The following ANKS1B variants were observed in gnomAD, a reference collection of about 807,000 sequenced individuals.
The protein encoded by ANKS1B is ankyrin repeat and sterile alpha motif domain-containing protein 1B.
ANKS1B carries 36 observed loss-of-function variants against 148.3 expected under a neutral mutation model. The observed-to-expected ratio is 0.24, with a 90% CI of 0.19 to 0.32. The LOEUF is 0.32. ANKS1B is among the 10% of genes least tolerant of loss of function. The pLI is 1.00. For missense variants in ANKS1B, 1,157 were observed against 1,542.6 expected, an observed-to-expected ratio of 0.75 and a Z score of 4.19; for synonymous variants, 542 against 560.8, an observed-to-expected ratio of 0.97 and a Z score of 0.47.
At chr12:99,303,670 G>A (rs1028233725) in intron 12 of ANKS1B, among the ~76,000 whole-genome samples, 1 of 152,026 alleles carries the variant, frequency 6.6e-6, no homozygotes, top group Non-Finnish European at 1.5e-5. Flanking sequence ...GGAACAGGTG[G>A]TGTTTGGTTA....
At chr12:99,096,355 C>T (rs926465176) in intron 15 of ANKS1B, among the ~76,000 whole-genome samples, 2 of 151,732 alleles carry the variant, frequency 1.3e-5, no homozygotes, top group Non-Finnish European at 2.9e-5. Context: ...AGACATTTTT[C>T]TTAAGATGTC....
chr12:99,479,821 C>A (rs2096381925), intron 10 of ANKS1B, among the ~76,000 whole-genome samples: 1 of 151,808 alleles, frequency 6.6e-6, no homozygotes, highest in African/African-American at 2.4e-5. Context: ...GGATCTATTG[C>A]ACAGTATGGT....
At chr12:99,284,069 A>G (rs1469355674) in intron 12 of ANKS1B, among the ~76,000 whole-genome samples, 1 of 152,204 alleles carries the variant, frequency 6.6e-6, no homozygotes, top group Non-Finnish European at 1.5e-5. Flanking sequence ...ATCATGAAGT[A>G]GGAATACTTT....
At chr12:99,106,572 C>CT (rs946321929) in intron 15 of ANKS1B, among the ~76,000 whole-genome samples, 1 of 152,100 alleles carries the variant, frequency 6.6e-6, no homozygotes, top group Non-Finnish European at 1.5e-5. Flanking sequence ...CTAAAGGTGT[C>CT]TTTTTTTAAA....
chr12:99,469,390 T>C (rs901183766), intron 10 of ANKS1B, among the ~76,000 whole-genome samples: 6 of 152,036 alleles, frequency 3.9e-5, no homozygotes, highest in South Asian at 2.1e-4. Flanking sequence ...TGTATACATA[T>C]GTAACTAATC....
At chr12:99,222,646 C>G (rs1436200134) in intron 14 of ANKS1B, among the ~76,000 whole-genome samples, 1 of 152,076 alleles carries the variant, frequency 6.6e-6, no homozygotes. Context: ...ACAAAACTCT[C>G]TTATATGACA....
At chr12:99,369,187 A>G (rs1244156157) in intron 12 of ANKS1B, among the ~76,000 whole-genome samples, 1 of 152,152 alleles carries the variant, frequency 6.6e-6, no homozygotes, top group Non-Finnish European at 1.5e-5. Context: ...ATGCTTCCTA[A>G]TGTGATGCAA....
intron 4 of ANKS1B, among the ~76,000 whole-genome samples, chr12:99,796,752 A>C (rs1371571251): frequency 3.3e-5 from 5 of 151,982 alleles, no homozygotes; most frequent in Non-Finnish European, 5.9e-5. Flanking sequence ...ATTTCTATTA[A>C]AAAAGCAATT....
At chr12:99,865,923 T>C (rs1302561294) in intron 1 of ANKS1B, among the ~76,000 whole-genome samples, 1 of 152,150 alleles carries the variant, frequency 6.6e-6, no homozygotes, top group Non-Finnish European at 1.5e-5. Flanking sequence ...GTCTTGGTGG[T>C]GCTACAAGTC....
chr12:99,514,631 C>A (rs1386000166), intron 9 of ANKS1B, among the ~76,000 whole-genome samples: 2 of 152,030 alleles, frequency 1.3e-5, no homozygotes, highest in African/African-American at 2.4e-5. Context: ...TGTTAGGGAT[C>A]CAACCTTGGT....
chr12:98,752,284 G>A (rs1428204434), intron 25 of ANKS1B, among the ~76,000 whole-genome samples: 4 of 150,266 alleles, frequency 2.7e-5, no homozygotes, highest in Non-Finnish European at 4.4e-5. Context: ...TTTAGATGGA[G>A]TCTCACTCTT....
At chr12:99,672,580 A>G (rs1308627407) in intron 8 of ANKS1B, among the ~76,000 whole-genome samples, 2 of 152,060 alleles carry the variant, frequency 1.3e-5, no homozygotes, top group Non-Finnish European at 2.9e-5. Context: ...AACTGAGAAC[A>G]ATTCTGAAAG....
chr12:98,886,915 A>G (rs2099741356), intron 17 of ANKS1B, among the ~76,000 whole-genome samples: 1 of 152,156 alleles, frequency 6.6e-6, no homozygotes, highest in Non-Finnish European at 1.5e-5. Flanking sequence ...AAAACAAAAA[A>G]CTCACAAATG....
At chr12:99,172,150 A>C (rs554061273) in intron 14 of ANKS1B, among the ~76,000 whole-genome samples, 1 of 152,276 alleles carries the variant, frequency 6.6e-6, no homozygotes, top group Admixed American at 6.5e-5. Context: ...GGTATGTTTG[A>C]GGAACTACAA....
intron 15 of ANKS1B, among the ~76,000 whole-genome samples, chr12:99,100,718 T>C (rs534566690): frequency 1.8e-4 from 27 of 152,258 alleles, no homozygotes; most frequent in Middle Eastern, 3.4e-3. Context: ...TTAGTAAAGA[T>C]TGGGTTTTGC....
At chr12:99,135,049 T>C (rs1396605263) in intron 15 of ANKS1B, among the ~76,000 whole-genome samples, 1 of 151,826 alleles carries the variant, frequency 6.6e-6, no homozygotes. Flanking sequence ...AATCTCAATA[T>C]AAAAATAACT....
At chr12:98,936,752 A>G (rs77052012) in intron 17 of ANKS1B, among the ~76,000 whole-genome samples, 11,136 of 152,210 alleles carry the variant, frequency 0.073, 425 homozygotes, top group African/African-American at 0.093. Context: ...TCTTAAGTCA[A>G]TTTAATCCCA....
intron 12 of ANKS1B, among the ~76,000 whole-genome samples, chr12:99,292,351 TA>T (rs1211798535): frequency 6.7e-6 from 1 of 149,556 alleles, no homozygotes; most frequent in Non-Finnish European, 1.5e-5. Context: ...AAAATAAAAA[TA>T]AAAATAAAAA....
chr12:99,807,338 C>T (rs1187994658), intron 3 of ANKS1B, among the ~76,000 whole-genome samples: 1 of 152,076 alleles, frequency 6.6e-6, no homozygotes, highest in Non-Finnish European at 1.5e-5. Context: ...ACATGTGCAG[C>T]TTATAAGGGT....
Sources: gnomAD v4.1 joint callset for allele counts (sites outside exome capture counted in the v4.1 genomes callset) on GRCh38, gnomAD v4.1.1 for gene constraint, MANE v1.5 for transcripts, NCBI Gene and HGNC (gene_info 2026-07-23, HGNC 2026-07-21) for gene names.